SEC23A: variants seen among roughly 807,000 people sequenced by gnomAD.
The protein encoded by SEC23A is protein transport protein Sec23A.
Under a neutral mutation model 103.7 loss-of-function variants are expected in SEC23A, and 56 were observed. That is an observed-to-expected ratio of 0.54 (90% CI 0.44 to 0.67). The LOEUF (loss-of-function observed/expected upper bound fraction) is 0.67, where lower values mean the gene tolerates loss of function less well. Among genes scored for constraint, SEC23A ranks in the 30% least tolerant of loss-of-function variants. The probability of loss-of-function intolerance (pLI) is 0.00; values close to 1 mark genes in which losing one functional copy is unlikely to be tolerated. For missense variants in SEC23A, 784 were observed against 936.4 expected (o/e 0.84, Z 2.12); for synonymous variants, 281 against 293.0 (o/e 0.96, Z 0.42).
chr14:39,098,170 T>C (rs887465155), intron 1 of SEC23A, among the ~76,000 whole-genome samples: 2 of 151,640 alleles, frequency 1.3e-5, no homozygotes, highest in African/African-American at 2.4e-5. Context: ...AGGAAAAGTG[T>C]TGAAAGATAA....
intron 7 of SEC23A, among the ~76,000 whole-genome samples, chr14:39,081,220 A>AC (rs1172890965): frequency 1.2e-3 from 175 of 151,986 alleles, no homozygotes; most frequent in African/African-American, 2.8e-3. Flanking sequence ...AAAAAAAAAA[A>AC]ACACACACAC....
At chr14:39,096,613 G>C (rs1887902260) in intron 1 of SEC23A, among the ~76,000 whole-genome samples, 1 of 151,658 alleles carries the variant, frequency 6.6e-6, no homozygotes, top group Non-Finnish European at 1.5e-5. Context: ...ATAATTAATG[G>C]CTCTACCCAA....
rs996089692 is a variant in SEC23A, at chr14:39,091,333, A to G, written c.603+144T>C. On this transcript the variant is annotated intron_variant, in intron 5 of 19. Coordinates refer to ENST00000307712, the MANE Select transcript of SEC23A (RefSeq NM_006364.4). ...GGCACATGAAAAGAAAACTGAAGCC[A>G]GCACTGAATTTAAAGCCTTTGTTAT... 7.7e-6 allele frequency: 5 copies of G among 651,416 alleles called. No homozygotes were observed. In the African/African-American group the frequency reaches 9.1e-5, roughly 12 times the overall value. The allele number at this position is 651,416 out of a possible 1,614,324, so 40.4% of individuals were successfully genotyped here.
At chr14:39,036,368 AGATAT>A (rs1885462562) in intron 19 of SEC23A, among the ~76,000 whole-genome samples, 1 of 149,032 alleles carries the variant, frequency 6.7e-6, no homozygotes, top group African/African-American at 2.5e-5. Context: ...AGCATGCTCT[AGATAT>A]TTTTAGTAAA....
Position 39,085,689 on chromosome 14 carries a change from TACACACACACACACAC to T in SEC23A, c.828+57_828+72del, listed in dbSNP as rs59136053. 9.8e-4 allele frequency: 1,169 copies of T among 1,196,244 alleles called. 2 individuals are homozygous for T. Among genetic ancestry groups the T allele is most frequent in the Non-Finnish European group, 1.2e-3 (1,022 of 830,970 alleles). The allele number at this position is 1,196,244 out of a possible 1,614,324, so 74.1% of individuals were successfully genotyped here. A position where few individuals can be genotyped will look rare whatever the true frequency, so the allele number is the denominator to read the frequency against. On this transcript the variant is annotated intron_variant, in intron 7 of 19. Transcript: ENST00000307712. ...TTCTTCTTATCCTTATAATTATATA[TACACACACACACACAC>T]ACACACACACACACACACACACACT...
chr14:39,065,652 C>G (rs936477205), intron 10 of SEC23A, among the ~76,000 whole-genome samples: 1 of 152,122 alleles, frequency 6.6e-6, no homozygotes, highest in Admixed American at 6.5e-5. Context: ...ACCTCTATGC[C>G]TCTCCTCACA....
intron 15 of SEC23A, among the ~76,000 whole-genome samples, chr14:39,048,416 C>T (rs570637884): frequency 3.3e-5 from 5 of 151,804 alleles, no homozygotes; most frequent in Admixed American, 6.6e-5. Context: ...GAGTTCAAGA[C>T]CAGCCTGGGC....
intron 1 of SEC23A, among the ~76,000 whole-genome samples, chr14:39,102,011 C>G (rs1306513112): frequency 6.6e-6 from 1 of 152,126 alleles, no homozygotes; most frequent in Non-Finnish European, 1.5e-5. Context: ...GCGGGCGGAT[C>G]ACCTGAGGTC....
chr14:39,090,015 T>C (rs1015605910), intron 5 of SEC23A, among the ~76,000 whole-genome samples: 1 of 152,198 alleles, frequency 6.6e-6, no homozygotes, highest in Non-Finnish European at 1.5e-5. Context: ...TCACTATTCA[T>C]TGACTAACGC....
At chr14:39,072,640 C>T (rs1488106123) in intron 9 of SEC23A, among the ~76,000 whole-genome samples, 2 of 150,258 alleles carry the variant, frequency 1.3e-5, no homozygotes, top group African/African-American at 4.9e-5. Flanking sequence ...GAGACCTCGT[C>T]TCCACAAAAA....
At chr14:39,085,699 C>CACAT in intron 7 of SEC23A, 63 bp downstream of exon 7, 1 of 1,099,704 alleles carries the variant, frequency 9.1e-7, no homozygotes, top group South Asian at 1.6e-5. Flanking sequence ...TACACACACA[C>CACAT]ACACACACAC....
rs1296585226 is a variant in SEC23A, at chr14:39,086,942, G to T, written c.670C>A (p.Pro224Thr). 1 of 1,590,144 alleles carries T rather than the reference G, an allele frequency of 6.3e-7. No homozygotes were observed. Among genetic ancestry groups the T allele is most frequent in the African/African-American group, 1.3e-5 (1 of 74,502 alleles). ...CATATTTATTACCTGTTGGAAGGAG[G>T]TGGCTGCTGTACCTGAGGACCACGT... is the stretch of plus-strand genomic sequence containing the variant. ...ATRGPQVQQP[P>T]PSNRFLQPVQ... The change falls in exon 6 of 20, where the codon CCT (proline) becomes ACT (threonine). Residue 224 changes from proline to threonine, a missense_variant. Transcript: ENST00000307712.
chr14:39,063,003 T>C (rs1458379553), intron 12 of SEC23A, among the ~76,000 whole-genome samples: 2 of 152,176 alleles, frequency 1.3e-5, no homozygotes, highest in African/African-American at 2.4e-5. Flanking sequence ...CAAAAATGTG[T>C]AGCTAGAAGG....
intron 2 of SEC23A, among the ~76,000 whole-genome samples, chr14:39,093,599 A>T (rs959251530): frequency 2.6e-5 from 4 of 152,110 alleles, no homozygotes; most frequent in Non-Finnish European, 5.9e-5. Context: ...GTCTTCACAA[A>T]AAATACAAAG....
chr14:39,062,078 A>G (rs1886500767), intron 12 of SEC23A, among the ~76,000 whole-genome samples: 1 of 152,206 alleles, frequency 6.6e-6, no homozygotes, highest in Non-Finnish European at 1.5e-5. Context: ...CAAGAATGAT[A>G]GAAGTCAGTC....
At chr14:39,041,944 C>T (rs1885663452) in intron 17 of SEC23A, among the ~76,000 whole-genome samples, 1 of 150,252 alleles carries the variant, frequency 6.7e-6, no homozygotes, top group Non-Finnish European at 1.5e-5. Flanking sequence ...TATTACAGTA[C>T]AAATCTTTTC....
intron 11 of SEC23A, 166 bp downstream of exon 11, chr14:39,064,747 G>A: frequency 1.6e-6 from 1 of 644,296 alleles, no homozygotes; most frequent in Non-Finnish European, 2.8e-6. Context: ...TTTCTTTTTT[G>A]GGGGGATAAC....
At chr14:39,073,815 G>A (rs1180646763) in intron 9 of SEC23A, among the ~76,000 whole-genome samples, 1 of 151,748 alleles carries the variant, frequency 6.6e-6, no homozygotes. Context: ...TCACCATCTT[G>A]GCCAGGCTTG....
Position 39,073,042 on chromosome 14 carries a change from G to A in SEC23A, c.1103+1373C>T, listed in dbSNP as rs150498332. 6.6e-3 allele frequency among the ~76,000 whole-genome samples: 1,004 copies of A among 152,166 alleles called. 9 individuals are homozygous for A. Among genetic ancestry groups the A allele is most frequent in the South Asian group, 0.055 (266 of 4,818 alleles). On this transcript the variant is annotated intron_variant, in intron 9 of 19. Transcript: ENST00000307712. ...AATCTCCACACCAAAACTTGAACAC[G>A]ATGTTCAAAGGACCATTATTCACAG...
Sources: allele counts gnomAD v4.1 joint callset (sites outside exome capture counted in the v4.1 genomes callset), GRCh38; gene constraint gnomAD v4.1.1; transcripts MANE v1.5; gene names NCBI Gene and HGNC (gene_info 2026-07-23, HGNC 2026-07-21).